RAP1B: variants seen among roughly 807,000 people sequenced by gnomAD.
RAP1B encodes ras-related protein Rap-1b.
A neutral mutation model predicts 27.5 loss-of-function variants in RAP1B; 1 was observed. That is an observed-to-expected ratio of 0.04 (90% CI 0.01 to 0.17). The LOEUF is 0.17. Among genes scored for constraint, RAP1B ranks in the 10% least tolerant of loss-of-function variants. The pLI is 1.00. For synonymous variants in RAP1B, 75 were observed against 73.1 expected, an observed-to-expected ratio of 1.03 and a Z score of -0.13; for missense variants, 84 against 214.8, an observed-to-expected ratio of 0.39 and a Z score of 3.81.
intron 1 of RAP1B, among the ~76,000 whole-genome samples, chr12:68,617,045 A>G (rs1871078867): frequency 6.6e-6 from 1 of 152,220 alleles, no homozygotes; most frequent in South Asian, 2.1e-4. Flanking sequence ...GAAATGGAAA[A>G]TGCTGGGTAA....
rs1874928334 is a variant in RAP1B, at chr12:68,668,159, C to G, written c.*8910C>G. 1 of 152,180 alleles carries G rather than the reference C, an allele frequency of 6.6e-6. No individual in the cohort carries two copies. Among genetic ancestry groups the G allele is most frequent in the Non-Finnish European group, 1.5e-5 (1 of 68,064 alleles). The allele number at this position is 152,180 out of a possible 1,614,324, so 9.4% of individuals were successfully genotyped here. ...TAATGACTTGGTTGCCCTAGGCCCC[C>G]CGTCAAGGCTTTTGTTCAAGGGAGA... On this transcript the variant is annotated 3_prime_UTR_variant, in exon 8 of 8. Transcript: ENST00000250559.
intron 1 of RAP1B, among the ~76,000 whole-genome samples, chr12:68,619,081 CAG>C (rs1264645917): frequency 2.6e-5 from 4 of 152,144 alleles, no homozygotes; most frequent in African/African-American, 7.2e-5. Context: ...ACCTGGGTGA[CAG>C]AGCAAGACCC....
At position 68,670,929 on chromosome 12, in the gene RAP1B, G is replaced by A. The variant is rs1360299104; in HGVS notation, c.*11680G>A. On this transcript the variant is annotated 3_prime_UTR_variant, in exon 8 of 8. Coordinates refer to ENST00000250559, the MANE Select transcript of RAP1B (RefSeq NM_001010942.3). Reference sequence around the variant, plus strand: ...TGTAATCCTAGCTACTCAGGAGGCTGAGGCAGGAGAATTGCTTGAACCTAG... The same window carrying A: ...TGTAATCCTAGCTACTCAGGAGGCTAAGGCAGGAGAATTGCTTGAACCTAG... 1.3e-5 allele frequency: 2 copies of A among 151,380 alleles called. No homozygotes were observed. The highest frequency in any genetic ancestry group is 4.9e-5 in the African/African-American group (2 of 41,136). 9.4% of individuals were successfully genotyped at this position (151,380 alleles called of 1,614,324 possible). A position where few individuals can be genotyped will look rare whatever the true frequency, so the allele number is the denominator to read the frequency against.
At chr12:68,611,993 C>T (rs1379161242) in intron 1 of RAP1B, among the ~76,000 whole-genome samples, 1 of 152,140 alleles carries the variant, frequency 6.6e-6, no homozygotes, top group Non-Finnish European at 1.5e-5. Context: ...TTCGCTTTCC[C>T]CCCTCTCCCA....
At chr12:68,614,456 A>G (rs1870834504) in intron 1 of RAP1B, among the ~76,000 whole-genome samples, 2 of 152,192 alleles carry the variant, frequency 1.3e-5, no homozygotes, top group Non-Finnish European at 2.9e-5. Flanking sequence ...ACTAGGAGTA[A>G]TTTAGCATTT....
Position 68,670,494 on chromosome 12 carries a change from A to G in RAP1B, c.*11245A>G, listed in dbSNP as rs1875042536. ...TATTTAAGATATATATTTCAAGTAAATAATAAGTGTGTGTGTGTGTACACA... is the reference window on the plus strand; with the variant it reads ...TATTTAAGATATATATTTCAAGTAAGTAATAAGTGTGTGTGTGTGTACACA... On this transcript the variant is annotated 3_prime_UTR_variant, in exon 8 of 8. Coordinates refer to ENST00000250559, the MANE Select transcript of RAP1B (RefSeq NM_001010942.3). The G allele has an allele frequency of 6.6e-6, 1 of 152,162 alleles. No homozygotes were observed. The highest frequency in any genetic ancestry group is 1.5e-5 in the Non-Finnish European group (1 of 68,014). 9.4% of individuals were successfully genotyped at this position (152,162 alleles called of 1,614,324 possible).
At chr12:68,653,213 G>A (rs1456871563) in intron 4 of RAP1B, among the ~76,000 whole-genome samples, 1 of 151,920 alleles carries the variant, frequency 6.6e-6, no homozygotes, top group East Asian at 1.9e-4. Context: ...CATTTCAAAA[G>A]AAAAAGAAAT....
rs1871848882 is a variant in RAP1B, at chr12:68,627,087, T to C, written c.-27+16044T>C. 2.2e-5 allele frequency: 35 copies of C among 1,593,078 alleles called. 1 individual carries two copies. In the South Asian group the frequency reaches 3.6e-4, roughly 17 times the overall value. ...GGCCTCAATCACATGCTCCTTGTTCTGCAGCTTGGTGTGAATGGAGATGAT... is the reference window on the plus strand; with the variant it reads ...GGCCTCAATCACATGCTCCTTGTTCCGCAGCTTGGTGTGAATGGAGATGAT... On this transcript the variant is annotated intron_variant, in intron 1 of 7. Coordinates refer to ENST00000250559, the MANE Select transcript of RAP1B (RefSeq NM_001010942.3).
At chr12:68,654,637 C>T (rs900356185) in intron 5 of RAP1B, among the ~76,000 whole-genome samples, 4 of 151,846 alleles carry the variant, frequency 2.6e-5, no homozygotes, top group African/African-American at 9.7e-5. Flanking sequence ...GCCACCATGC[C>T]CAGCTAGTTT....
At chr12:68,646,340 G>A (rs989755372) in intron 1 of RAP1B, among the ~76,000 whole-genome samples, 1 of 151,730 alleles carries the variant, frequency 6.6e-6, no homozygotes, top group Non-Finnish European at 1.5e-5. Flanking sequence ...GTCTCACCGG[G>A]GCTGGAGTGC....
Position 68,665,264 on chromosome 12 carries a change from T to C in RAP1B, c.*6015T>C, listed in dbSNP as rs1359436755. The stretch of plus-strand genomic sequence containing the variant: ...TAACTAAAGCAACAGATTTGCCAGC[T>C]GTGTGAAAGATAACCCAGAGAGGGG... On this transcript the variant is annotated 3_prime_UTR_variant, in exon 8 of 8. Coordinates refer to ENST00000250559, the MANE Select transcript of RAP1B (RefSeq NM_001010942.3). The C allele has an allele frequency of 6.6e-6, 1 of 152,270 alleles. No individual in the cohort carries two copies. The highest frequency in any genetic ancestry group is 1.5e-5 in the Non-Finnish European group (1 of 68,068). 9.4% of individuals were successfully genotyped at this position (152,270 alleles called of 1,614,324 possible). A position where few individuals can be genotyped will look rare whatever the true frequency, so the allele number is the denominator to read the frequency against.
At position 68,659,437 on chromosome 12, in the gene RAP1B, G is replaced by C. The variant is rs1287731759; in HGVS notation, c.*188G>C. ...TTCTAATCACTTTCCAGTATCACAA[G>C]AGAGATTTTTACTTATATAATAGTC... On this transcript the variant is annotated 3_prime_UTR_variant, in exon 8 of 8. Coordinates refer to ENST00000250559, the MANE Select transcript of RAP1B (RefSeq NM_001010942.3). 2 of 374,516 alleles carry C rather than the reference G, an allele frequency of 5.3e-6. No homozygotes were observed. Among genetic ancestry groups the C allele is most frequent in the Non-Finnish European group, 1.0e-5 (2 of 191,992 alleles). The allele number at this position is 374,516 out of a possible 1,614,324, so 23.2% of individuals were successfully genotyped here.
Position 68,663,997 on chromosome 12 carries a change from T to C in RAP1B, c.*4748T>C, listed in dbSNP as rs1004285204. ...TTTTTTTATTCATAGGTAATCTAATTTTTCTCATTTCTCCAAAAGGGTACG... is the reference window on the plus strand; with the variant it reads ...TTTTTTTATTCATAGGTAATCTAATCTTTCTCATTTCTCCAAAAGGGTACG... On this transcript the variant is annotated 3_prime_UTR_variant, in exon 8 of 8. Coordinates refer to ENST00000250559, the MANE Select transcript of RAP1B (RefSeq NM_001010942.3). 6.6e-6 allele frequency: 1 copy of C among 152,214 alleles called. No homozygotes were observed. Among genetic ancestry groups the C allele is most frequent in the African/African-American group, 2.4e-5 (1 of 41,464 alleles). 9.4% of individuals were successfully genotyped at this position (152,214 alleles called of 1,614,324 possible). A position where few individuals can be genotyped will look rare whatever the true frequency, so the allele number is the denominator to read the frequency against.
intron 1 of RAP1B, among the ~76,000 whole-genome samples, chr12:68,631,347 CAT>C (rs1872225858): frequency 6.6e-6 from 1 of 152,174 alleles, no homozygotes; most frequent in African/African-American, 2.4e-5. Flanking sequence ...ACATATTACT[CAT>C]ATTTTAATGA....
intron 5 of RAP1B, among the ~76,000 whole-genome samples, chr12:68,655,640 A>G (rs953397020): frequency 1.3e-5 from 2 of 151,534 alleles, no homozygotes; most frequent in East Asian, 1.9e-4. Context: ...AGTTCAAGCA[A>G]TTCTCCTGTG....
chr12:68,633,291 A>AGGGAAT (rs1872396668), intron 1 of RAP1B, among the ~76,000 whole-genome samples: 1 of 151,868 alleles, frequency 6.6e-6, no homozygotes, highest in Admixed American at 6.6e-5. Context: ...CTCACTTTCC[A>AGGGAAT]AGTGAACTCC....
chr12:68,647,382 T>TCCCCCCCCCCCCCCCCCCCC (rs1565670496), intron 1 of RAP1B, among the ~76,000 whole-genome samples: 1 of 1,932 alleles, frequency 5.2e-4, no homozygotes, highest in African/African-American at 2.0e-3. Flanking sequence ...CCCACTCCAC[T>TCCCCCCCCCCCCCCCCCCCC]CCCCGCCCCC....
chr12:68,633,429 G>T (rs1295031711), intron 1 of RAP1B, among the ~76,000 whole-genome samples: 1 of 152,158 alleles, frequency 6.6e-6, no homozygotes, highest in Non-Finnish European at 1.5e-5. Flanking sequence ...ACTTTATTCT[G>T]TAGACCCTGC....
At chr12:68,639,999 A>T (rs917682722) in intron 1 of RAP1B, among the ~76,000 whole-genome samples, 1 of 151,400 alleles carries the variant, frequency 6.6e-6, no homozygotes, top group Non-Finnish European at 1.5e-5. Context: ...CACCACCACA[A>T]CCGGCTAATT....
Sources: allele counts gnomAD v4.1 joint callset (sites outside exome capture counted in the v4.1 genomes callset), GRCh38; gene constraint gnomAD v4.1.1; transcripts MANE v1.5; gene names NCBI Gene and HGNC (gene_info 2026-07-23, HGNC 2026-07-21).